Variants in CACNA2D2 observed in about 807,000 individuals in gnomAD.
The protein encoded by CACNA2D2 is voltage-dependent calcium channel subunit alpha-2/delta-2.
CACNA2D2 carries 48 observed loss-of-function variants against 166.4 expected under a neutral mutation model. That is an observed-to-expected ratio of 0.29 (90% CI 0.23 to 0.37). CACNA2D2 has a LOEUF of 0.37. CACNA2D2 is among the 10% of genes least tolerant of loss of function. The probability of loss-of-function intolerance (pLI) is 1.00; values close to 1 mark genes in which losing one functional copy is unlikely to be tolerated. For synonymous variants in CACNA2D2, 561 were observed against 573.7 expected (o/e 0.98, Z 0.32); for missense variants, 1,122 against 1,433.0 (o/e 0.78, Z 3.50).
chr3:50,387,617 T>C lies in CACNA2D2; in HGVS notation c.466-5A>G. On this transcript the variant is annotated splice_polypyrimidine_tract_variant and splice_region_variant and intron_variant, in intron 4 of 37. Transcript: ENST00000424201. ...ATAGTACACGATGTCTTCCTCCTGGTGAGGGGAGAGAGGCCTCAGCACTAG... is the reference window on the plus strand; with the variant it reads ...ATAGTACACGATGTCTTCCTCCTGGCGAGGGGAGAGAGGCCTCAGCACTAG... 1 of 1,612,340 alleles carries C rather than the reference T, an allele frequency of 6.2e-7. No homozygotes were observed. Among genetic ancestry groups the C allele is most frequent in the African/African-American group, 1.3e-5 (1 of 75,008 alleles).
intron 2 of CACNA2D2, among the ~76,000 whole-genome samples, chr3:50,439,424 T>C (rs942759591): frequency 2.6e-5 from 4 of 152,182 alleles, no homozygotes; most frequent in Admixed American, 2.6e-4. Flanking sequence ...ACAAGAAAGA[T>C]TTGACGCAGG....
intron 1 of CACNA2D2, among the ~76,000 whole-genome samples, chr3:50,485,567 T>G (rs1698245211): frequency 6.6e-6 from 1 of 152,230 alleles, no homozygotes; most frequent in South Asian, 2.1e-4. Context: ...TCGGGGCCCA[T>G]GGGGGCCTCA....
intron 2 of CACNA2D2, among the ~76,000 whole-genome samples, chr3:50,443,200 G>A (rs1161667881): frequency 2.0e-5 from 3 of 152,202 alleles, no homozygotes; most frequent in Non-Finnish European, 4.4e-5. Context: ...CGGCCGGCTG[G>A]TGTGGGCGCC....
At chr3:50,388,736 A>G (rs1434682848) in intron 4 of CACNA2D2, among the ~76,000 whole-genome samples, 1 of 152,204 alleles carries the variant, frequency 6.6e-6, no homozygotes, top group East Asian at 1.9e-4. Context: ...GACTCTGGAA[A>G]GGGGCCTGGC....
chr3:50,414,471 T>C (rs1346606989), intron 3 of CACNA2D2, among the ~76,000 whole-genome samples: 1 of 152,150 alleles, frequency 6.6e-6, no homozygotes, highest in Non-Finnish European at 1.5e-5. Context: ...CAGACCCTGC[T>C]GCCTCCTCTA....
At chr3:50,444,119 G>A (rs1708732686) in intron 2 of CACNA2D2, among the ~76,000 whole-genome samples, 1 of 152,166 alleles carries the variant, frequency 6.6e-6, no homozygotes, top group Non-Finnish European at 1.5e-5. Context: ...GGTCAGGTGA[G>A]CAACCTTCTT....
At chr3:50,418,731 A>AGGGTGGAGAGGGAGAATGAGGTGGAG (rs1707398536) in intron 3 of CACNA2D2, among the ~76,000 whole-genome samples, 2 of 152,182 alleles carry the variant, frequency 1.3e-5, no homozygotes, top group African/African-American at 4.8e-5. Flanking sequence ...TGGCTGCTGC[A>AGGGTGGAGAGGGAGAATGAGGTGGAG]GGGTGGAGAG....
intron 1 of CACNA2D2, among the ~76,000 whole-genome samples, chr3:50,492,523 G>A (rs759590926): frequency 4.6e-5 from 7 of 152,160 alleles, no homozygotes; most frequent in African/African-American, 1.4e-4. Context: ...TCCAGGCCTC[G>A]GTTTCCCCAT....
At chr3:50,488,293 TG>T (rs1036593605) in intron 1 of CACNA2D2, among the ~76,000 whole-genome samples, 15 of 152,062 alleles carry the variant, frequency 9.9e-5, no homozygotes, top group African/African-American at 3.6e-4. Context: ...ACACACTGGA[TG>T]GAAGGGCAGT....
Position 50,503,325 on chromosome 3 carries a change from G to C in CACNA2D2, c.99C>G (p.Thr33=), listed in dbSNP as rs1315632513. Residue 33 remains threonine (T), a synonymous_variant, in exon 1 of 38, where the codon ACC becomes ACG. Transcript: ENST00000424201. ...PGCGPHPGPG[T]RRPTSGPPRP... ...GCGGGGGCCCGGACGTCGGGCGCCGGGTGCCGGGGCCAGGGTGGGGGCCGC... is the reference window on the plus strand; with the variant it reads ...GCGGGGGCCCGGACGTCGGGCGCCGCGTGCCGGGGCCAGGGTGGGGGCCGC... 2 of 541,072 alleles carry C rather than the reference G, an allele frequency of 3.7e-6. No homozygotes were observed. Among genetic ancestry groups the C allele is most frequent in the Non-Finnish European group, 5.3e-6 (2 of 375,506 alleles). 33.5% of individuals were successfully genotyped at this position (541,072 alleles called of 1,614,324 possible). A position where few individuals can be genotyped will look rare whatever the true frequency, so the allele number is the denominator to read the frequency against.
At chr3:50,371,453 C>T (rs1349395254) in intron 22 of CACNA2D2, among the ~76,000 whole-genome samples, 1 of 152,096 alleles carries the variant, frequency 6.6e-6, no homozygotes, top group Non-Finnish European at 1.5e-5. Context: ...CTCTCCCTGC[C>T]CAGCTGGACT....
chr3:50,480,468 G>C (rs1405259468), intron 1 of CACNA2D2, among the ~76,000 whole-genome samples: 2 of 152,026 alleles, frequency 1.3e-5, no homozygotes, highest in South Asian at 2.1e-4. Context: ...AAGCTTGTGT[G>C]GGGGGTGGGG....
chr3:50,400,915 T>C (rs1233929147), intron 3 of CACNA2D2, among the ~76,000 whole-genome samples: 1 of 152,212 alleles, frequency 6.6e-6, no homozygotes, highest in Non-Finnish European at 1.5e-5. Context: ...CCTCAAGTGA[T>C]CCTCCTGCCT....
intron 2 of CACNA2D2, among the ~76,000 whole-genome samples, chr3:50,464,808 G>A (rs202055494): frequency 7.2e-5 from 11 of 152,284 alleles, no homozygotes; most frequent in East Asian, 5.8e-4. Context: ...CAGGGTGCCC[G>A]TTAGTGGCTC....
At chr3:50,477,989 G>C (rs1051396722) in intron 1 of CACNA2D2, among the ~76,000 whole-genome samples, 1 of 152,124 alleles carries the variant, frequency 6.6e-6, no homozygotes, top group Non-Finnish European at 1.5e-5. Context: ...ATGGGAACTC[G>C]GAGCAGGAGG....
intron 3 of CACNA2D2, among the ~76,000 whole-genome samples, chr3:50,426,926 C>T (rs1707832094): frequency 6.6e-6 from 1 of 152,200 alleles, no homozygotes; most frequent in African/African-American, 2.4e-5. Context: ...CCCACCTGCA[C>T]TGTCTCCCTT....
rs762026584 is a variant in CACNA2D2 at position 50,377,438 on chromosome 3, G to A, written c.1626+29C>T. 5.7e-6 allele frequency: 9 copies of A among 1,581,074 alleles called. No individual in the cohort carries two copies. In the South Asian group the frequency reaches 8.9e-5, roughly 16 times the overall value. On this transcript the variant is annotated intron_variant, in intron 17 of 37. Coordinates refer to ENST00000424201, the MANE Select transcript of CACNA2D2 (RefSeq NM_006030.4). ...CTGCCTGTGTCCACATGGGAGGCAG[G>A]GTACGCGGATGGGCAGGGGGATGCT...
At position 50,365,967 on chromosome 3, in the gene CACNA2D2, C is replaced by G; in HGVS notation, c.2862+44G>C. The G allele has an allele frequency of 6.2e-7, 1 of 1,610,412 alleles. No homozygotes were observed. The highest frequency in any genetic ancestry group is 8.5e-7 in the Non-Finnish European group (1 of 1,178,228). On this transcript the variant is annotated intron_variant, in intron 32 of 37. Transcript: ENST00000424201. This position sits in a 1 kb window ranked among gnomAD's most constrained non-coding sequence, Gnocchi z 4.5. ...TAGGGGGTCATCTGTGGGCAGGTCT[C>G]CCAGTCCCCCCCATCTCCAGTCCAG...
chr3:50,467,061 A>C (rs567631892), intron 2 of CACNA2D2, among the ~76,000 whole-genome samples: 1 of 152,256 alleles, frequency 6.6e-6, no homozygotes, highest in South Asian at 2.1e-4. Flanking sequence ...TGAGTGGTCT[A>C]GTGAGAGTGA....
Sources: gnomAD v4.1 joint callset for allele counts (sites outside exome capture counted in the v4.1 genomes callset) on GRCh38, gnomAD v4.1.1 for gene constraint, Gnocchi (gnomAD v3.1) non-coding constraint, MANE v1.5 for transcripts, NCBI Gene and HGNC (gene_info 2026-07-23, HGNC 2026-07-21) for gene names.